Variants in COL14A1 observed in about 807,000 individuals in gnomAD.
The protein encoded by COL14A1 is collagen alpha-1(XIV) chain.
COL14A1 carries 136 observed loss-of-function variants against 230.3 expected under a neutral mutation model. The ratio of observed to expected loss-of-function variants is 0.59; its 90% confidence interval spans 0.51 to 0.68. The LOEUF (loss-of-function observed/expected upper bound fraction) is 0.68, where lower values mean the gene tolerates loss of function less well. Among genes scored for constraint, COL14A1 ranks in the 30% least tolerant of loss-of-function variants. The pLI is 0.00. For synonymous variants in COL14A1, 792 were observed against 784.1 expected (o/e 1.01, Z -0.17); for missense variants, 1,976 against 2,215.8 (o/e 0.89, Z 2.17).
intron 4 of COL14A1, 47 bp downstream of exon 4, chr8:120,162,616 G>A (rs1815721039): frequency 6.0e-6 from 9 of 1,491,314 alleles, no homozygotes; most frequent in South Asian, 1.4e-5. Flanking sequence ...CTCTGTCCCA[G>A]CCTTGGATTT....
chr8:120,156,627 A>T (rs976639033), intron 2 of COL14A1, among the ~76,000 whole-genome samples: 2 of 152,208 alleles, frequency 1.3e-5, no homozygotes, highest in Admixed American at 1.3e-4. Context: ...TGTTTCGAAG[A>T]TTAAGTGAGC....
At chr8:120,332,970 A>T (rs926429914) in intron 42 of COL14A1, among the ~76,000 whole-genome samples, 2 of 152,230 alleles carry the variant, frequency 1.3e-5, no homozygotes, top group Non-Finnish European at 1.5e-5. Flanking sequence ...GCTTTTGCTT[A>T]TATGTTTCTA....
chr8:120,226,293 T>G (rs566728255), intron 15 of COL14A1, among the ~76,000 whole-genome samples: 1 of 150,732 alleles, frequency 6.6e-6, no homozygotes, highest in East Asian at 1.9e-4. Context: ...TCAAGATACT[T>G]GGAAAATAAT....
chr8:120,139,096 C>A (rs997365749), intron 1 of COL14A1, among the ~76,000 whole-genome samples: 12 of 152,188 alleles, frequency 7.9e-5, no homozygotes, highest in Non-Finnish European at 1.6e-4. Context: ...AGAGCTGTTA[C>A]AGAACTCCTG....
chr8:120,199,070 G>C (rs567439403), intron 7 of COL14A1, among the ~76,000 whole-genome samples: 2 of 152,130 alleles, frequency 1.3e-5, no homozygotes, highest in African/African-American at 4.8e-5. Flanking sequence ...ACGCACTACT[G>C]TGTGAGTATT....
At chr8:120,342,659 T>C (rs1054377561) in intron 44 of COL14A1, among the ~76,000 whole-genome samples, 1 of 152,186 alleles carries the variant, frequency 6.6e-6, no homozygotes, top group African/African-American at 2.4e-5. Flanking sequence ...GCCAAATTCC[T>C]TTGTGTCATT....
intron 14 of COL14A1, among the ~76,000 whole-genome samples, chr8:120,217,543 G>A (rs1197375710): frequency 1.3e-5 from 2 of 152,118 alleles, no homozygotes; most frequent in Non-Finnish European, 2.9e-5. Context: ...TTAAATCCAA[G>A]CAATATTTTA....
At position 120,151,133 on chromosome 8, in the gene COL14A1, C is replaced by A. The variant is rs181625786; in HGVS notation, c.88+3203C>A. 1.1e-4 allele frequency among the ~76,000 whole-genome samples: 17 copies of A among 152,198 alleles called. No homozygotes were observed. In the East Asian group the frequency reaches 3.3e-3, roughly 29 times the overall value. ...CCTCAATAAGAAACGCTTTAGAGGC[C>A]TTTGGTTTTGCTGATTAGGAAAATA... is the stretch of plus-strand genomic sequence containing the variant. On this transcript the variant is annotated intron_variant, in intron 2 of 47. Coordinates refer to ENST00000297848, the MANE Select transcript of COL14A1 (RefSeq NM_021110.4).
At chr8:120,205,841 A>G (rs1817413007) in intron 9 of COL14A1, among the ~76,000 whole-genome samples, 1 of 152,208 alleles carries the variant, frequency 6.6e-6, no homozygotes, top group East Asian at 1.9e-4. Context: ...TGAGATTATT[A>G]AAGTCCCTTT....
intron 8 of COL14A1, among the ~76,000 whole-genome samples, chr8:120,200,769 T>TAA (rs1817225304): frequency 8.5e-6 from 1 of 117,624 alleles, no homozygotes; most frequent in Non-Finnish European, 1.9e-5. Flanking sequence ...ATATATATTA[T>TAA]TTTTCATCAG....
chr8:120,327,449 C>T (rs1253882531), intron 40 of COL14A1, among the ~76,000 whole-genome samples: 2 of 152,214 alleles, frequency 1.3e-5, no homozygotes, highest in African/African-American at 4.8e-5. Flanking sequence ...TGTCCCTACC[C>T]TGCTTCCTTC....
chr8:120,247,490 C>A, intron 20 of COL14A1, 123 bp from the exon 21 acceptor site: 2 of 892,750 alleles, frequency 2.2e-6, no homozygotes, highest in Non-Finnish European at 1.6e-6. Context: ...TGTTTCAGTG[C>A]ACTTTCACTT....
intron 19 of COL14A1, among the ~76,000 whole-genome samples, chr8:120,242,642 G>C (rs1221192306): frequency 6.6e-6 from 1 of 152,156 alleles, no homozygotes; most frequent in Non-Finnish European, 1.5e-5. Context: ...GAATAAAGCA[G>C]AGCTTCTTTG....
intron 35 of COL14A1, among the ~76,000 whole-genome samples, chr8:120,297,956 C>T (rs926385340): frequency 2.0e-5 from 3 of 152,038 alleles, no homozygotes; most frequent in African/African-American, 7.2e-5. Context: ...TATGTCCTAA[C>T]AACTCAGTAG....
chr8:120,279,965 A>G lies in COL14A1; in HGVS notation c.3512A>G (p.Asp1171Gly), dbSNP rs1819986468. Residue 1171 changes from aspartate to glycine, a missense_variant, in exon 29 of 48, where the codon GAT becomes GGT. Transcript: ENST00000297848. ...GYSIFAIGVA[D>G]ADYSELVSIG... ...AGCATTTTTGCAATTGGTGTGGCCGATGCAGATTACTCGGAGTTGGTTAGC... is the reference window on the plus strand; with the variant it reads ...AGCATTTTTGCAATTGGTGTGGCCGGTGCAGATTACTCGGAGTTGGTTAGC... 2 of 1,613,634 alleles carry G rather than the reference A, an allele frequency of 1.2e-6. No homozygotes were observed. Among genetic ancestry groups the G allele is most frequent in the Admixed American group, 1.7e-5 (1 of 59,902 alleles).
Position 120,342,379 on chromosome 8 carries a change from G to C in COL14A1, c.4822-1G>C. 6.2e-7 allele frequency: 1 copy of C among 1,613,854 alleles called. No individual in the cohort carries two copies. The highest frequency in any genetic ancestry group is 1.1e-5 in the South Asian group (1 of 91,070). ...AGGAGTATGCTTTTTTTCTCATCCA[G>C]GGTGACCTGCAGTCTCAAGCCATGG... On this transcript the variant is annotated splice_acceptor_variant, in intron 43 of 47. Transcript: ENST00000297848. LOFTEE classifies it high-confidence loss of function.
At chr8:120,149,375 A>G (rs1286812403) in intron 2 of COL14A1, among the ~76,000 whole-genome samples, 4 of 152,214 alleles carry the variant, frequency 2.6e-5, no homozygotes, top group Non-Finnish European at 5.9e-5. Flanking sequence ...ATTTCCAACT[A>G]CTTCATTGAA....
intron 1 of COL14A1, among the ~76,000 whole-genome samples, chr8:120,142,137 T>A (rs1467076619): frequency 6.6e-6 from 1 of 152,182 alleles, no homozygotes; most frequent in Admixed American, 6.5e-5. Context: ...CTTGCTTTGT[T>A]CTGATTGAAA....
At chr8:120,235,388 C>G (rs1279136462) in intron 19 of COL14A1, among the ~76,000 whole-genome samples, 4 of 152,214 alleles carry the variant, frequency 2.6e-5, no homozygotes, top group Admixed American at 6.5e-5. Flanking sequence ...CCAGGCTGGT[C>G]TCAAACTCCT....
Sources: gnomAD v4.1 joint callset for allele counts (sites outside exome capture counted in the v4.1 genomes callset) on GRCh38, gnomAD v4.1.1 for gene constraint, MANE v1.5 for transcripts, NCBI Gene and HGNC (gene_info 2026-07-23, HGNC 2026-07-21) for gene names.